Variants in NPHP1 observed in about 807,000 individuals in gnomAD.
NPHP1 encodes nephrocystin 1.
In NPHP1, 70 loss-of-function variants were observed where a neutral mutation model predicts 90.4. That is an observed-to-expected ratio of 0.77 (90% CI 0.64 to 0.95). The LOEUF (loss-of-function observed/expected upper bound fraction) is 0.95, where lower values mean the gene tolerates loss of function less well. Ranked by LOEUF, NPHP1 falls within the 40% of genes least tolerant of loss-of-function variation. The pLI, the probability that NPHP1 is intolerant of heterozygous loss-of-function variation, is 0.00. For synonymous variants in NPHP1, 256 were observed against 271.7 expected, an observed-to-expected ratio of 0.94 and a Z score of 0.57; for missense variants, 764 against 795.9, an observed-to-expected ratio of 0.96 and a Z score of 0.48.
At chr2:110,189,212 G>A (rs1358766834) in intron 2 of NPHP1, among the ~76,000 whole-genome samples, 2 of 152,152 alleles carry the variant, frequency 1.3e-5, no homozygotes, top group African/African-American at 4.8e-5. Context: ...CAGAATTGGT[G>A]GGTTCTTGGT....
At chr2:110,152,989 A>T (rs1681608468) in intron 11 of NPHP1, among the ~76,000 whole-genome samples, 1 of 152,150 alleles carries the variant, frequency 6.6e-6, no homozygotes, top group Admixed American at 6.5e-5. Context: ...AGCAGGGTAA[A>T]CCAAAGAAAT....
intron 2 of NPHP1, among the ~76,000 whole-genome samples, chr2:110,197,922 C>A (rs575348991): frequency 1.3e-5 from 2 of 152,092 alleles, no homozygotes; most frequent in Admixed American, 6.6e-5. Flanking sequence ...CAATTACCTC[C>A]TTTATAACTA....
chr2:110,131,772 T>C lies in NPHP1; in HGVS notation c.1549A>G (p.Ile517Val). 3.1e-6 allele frequency: 5 copies of C among 1,606,642 alleles called. No individual in the cohort carries two copies. Among genetic ancestry groups the C allele is most frequent in the Non-Finnish European group, 4.3e-6 (5 of 1,173,346 alleles). The stretch of plus-strand genomic sequence containing the variant: ...AAGTGAATAGAACACATATTTCCAA[T>C]TAATGTTTCTGGCAGTAGACTATTA... Reference protein sequence around the residue: ...NVLSLLPETLIGNMCSIHLLI... With the variant: ...NVLSLLPETLVGNMCSIHLLI... Residue 517 changes from isoleucine to valine, a missense_variant, in exon 17 of 20, where the codon ATT (isoleucine) becomes GTT (valine). Physicochemically the swap from Ile to Val is conservative, Grantham distance 29 (BLOSUM62 3). Transcript: ENST00000445609.
intron 11 of NPHP1, among the ~76,000 whole-genome samples, chr2:110,152,726 G>C (rs992627753): frequency 3.3e-5 from 5 of 151,838 alleles, no homozygotes. Flanking sequence ...CCTTTTAATG[G>C]ATCAGTGACA....
chr2:110,150,330 GT>G (rs2104506240), intron 11 of NPHP1, 74 bp from the exon 12 acceptor site: 1 of 1,342,432 alleles, frequency 7.4e-7, no homozygotes, highest in South Asian at 1.2e-5. Context: ...GTCCCAAAGA[GT>G]TAACAGTGGC....
At chr2:110,178,765 T>C in intron 3 of NPHP1, 1 of 528,342 alleles carries the variant, frequency 1.9e-6, no homozygotes, top group Non-Finnish European at 3.3e-6. Flanking sequence ...TGTTTTAGGT[T>C]TCTCTTTTAT....
chr2:110,160,333 T>A, intron 10 of NPHP1, 78 bp from the exon 11 acceptor site: 1 of 1,178,334 alleles, frequency 8.5e-7, no homozygotes, highest in Admixed American at 1.9e-5. Context: ...ATTCGGCTTA[T>A]GAAAATGTAT....
intron 11 of NPHP1, among the ~76,000 whole-genome samples, chr2:110,156,361 C>T (rs1179634091): frequency 6.6e-6 from 1 of 152,080 alleles, no homozygotes; most frequent in Non-Finnish European, 1.5e-5. Flanking sequence ...TGAGATGTGC[C>T]TTTCACCTTC....
At chr2:110,180,448 C>CTTTTTTTTTTTTTTT (rs3086121) in intron 2 of NPHP1, among the ~76,000 whole-genome samples, 10 of 80,912 alleles carry the variant, frequency 1.2e-4, no homozygotes, top group Middle Eastern at 0.015. Flanking sequence ...CCGTTTGAGT[C>CTTTTTTTTTTTTTTT]TTTTTTTTTT....
At chr2:110,149,662 T>G (rs1267178716) in intron 12 of NPHP1, among the ~76,000 whole-genome samples, 1 of 152,174 alleles carries the variant, frequency 6.6e-6, no homozygotes, top group Admixed American at 6.5e-5. Context: ...TAATGAGACC[T>G]TGGAGGTAGA....
chr2:110,191,898 G>A lies in NPHP1; in HGVS notation c.143+9523C>T, dbSNP rs531783737. ...TGCTGCTGATACCCAGGCAAACAGC[G>A]TCTGGAGTGGACCTCCGGCAAACTC... On this transcript the variant is annotated intron_variant, in intron 2 of 19. Coordinates refer to ENST00000445609, the MANE Select transcript of NPHP1 (RefSeq NM_001128178.3). Among the ~76,000 whole-genome samples, 63 of 143,684 alleles carry A rather than the reference G, an allele frequency of 4.4e-4. No homozygotes were observed. In the South Asian group the frequency reaches 0.014, roughly 33 times the overall value. 94.3% of individuals were successfully genotyped at this position (143,684 alleles called of 152,430 possible). A position where few individuals can be genotyped will look rare whatever the true frequency, so the allele number is the denominator to read the frequency against.
At chr2:110,197,536 CGT>C (rs1262427256) in intron 2 of NPHP1, among the ~76,000 whole-genome samples, 3 of 152,032 alleles carry the variant, frequency 2.0e-5, no homozygotes, top group Non-Finnish European at 4.4e-5. Flanking sequence ...ACATAAAACA[CGT>C]ATATTGGGAT....
chr2:110,199,240 C>A (rs950672029), intron 2 of NPHP1, among the ~76,000 whole-genome samples: 13 of 152,006 alleles, frequency 8.6e-5, no homozygotes, highest in Admixed American at 5.2e-4. Context: ...TGAGAGCAGC[C>A]TGGCCAACAT....
chr2:110,143,438 T>G (rs1414999370), intron 16 of NPHP1, 104 bp downstream of exon 16: 50 of 822,356 alleles, frequency 6.1e-5, no homozygotes, highest in South Asian at 4.9e-4. Flanking sequence ...GACAAAAATA[T>G]TATAACAAAA....
intron 19 of NPHP1, chr2:110,124,589 A>G: frequency 4.7e-6 from 1 of 211,022 alleles, no homozygotes; most frequent in East Asian, 1.0e-4. Context: ...CTTCACAGAT[A>G]AGAATGGTGC....
At chr2:110,192,783 A>G (rs927317979) in intron 2 of NPHP1, among the ~76,000 whole-genome samples, 5 of 152,192 alleles carry the variant, frequency 3.3e-5, no homozygotes, top group Admixed American at 3.3e-4. Flanking sequence ...CACAAAGGGA[A>G]GCCCATCAGA....
intron 19 of NPHP1, chr2:110,124,490 T>TA: frequency 7.3e-6 from 2 of 273,794 alleles, no homozygotes; most frequent in Admixed American, 4.5e-5. Context: ...GTAGCAGGTG[T>TA]TCTGCATAGG....
At chr2:110,195,292 T>TA (rs1446071399) in intron 2 of NPHP1, among the ~76,000 whole-genome samples, 3 of 152,164 alleles carry the variant, frequency 2.0e-5, no homozygotes, top group African/African-American at 7.2e-5. Flanking sequence ...CTTAAGCTGA[T>TA]AGGCAACTTC....
chr2:110,139,965 T>C (rs1337741713), intron 16 of NPHP1, among the ~76,000 whole-genome samples: 1 of 152,110 alleles, frequency 6.6e-6, no homozygotes, highest in Non-Finnish European at 1.5e-5. Flanking sequence ...GGCTCAGTGA[T>C]GTCCAAAAGG....
Sources: allele counts gnomAD v4.1 joint callset (sites outside exome capture counted in the v4.1 genomes callset), GRCh38; gene constraint gnomAD v4.1.1; transcripts MANE v1.5; gene names NCBI Gene and HGNC (gene_info 2026-07-23, HGNC 2026-07-21).